COL18A1: variants seen among roughly 807,000 people sequenced by gnomAD.
The protein encoded by COL18A1 is collagen type XVIII alpha 1 chain.
COL18A1 carries 133 observed loss-of-function variants against 168.0 expected under a neutral mutation model. That is an observed-to-expected ratio of 0.79 (90% CI 0.69 to 0.91). The LOEUF is 0.91. COL18A1 is among the 40% of genes least tolerant of loss of function. The pLI is 0.00. For missense variants in COL18A1, 2,126 were observed against 1,925.4 expected (o/e 1.10, Z -1.95); for synonymous variants, 949 against 809.0 (o/e 1.17, Z -2.94).
At chr21:45,444,661 G>A (rs934800123) in intron 2 of COL18A1, among the ~76,000 whole-genome samples, 1 of 152,082 alleles carries the variant, frequency 6.6e-6, no homozygotes, top group African/African-American at 2.4e-5. Flanking sequence ...GGGAGTGGAG[G>A]CTGTGAGCCA....
At chr21:45,410,046 G>A (rs2123500123) in intron 2 of COL18A1, 1 of 152,378 alleles carries the variant, frequency 6.6e-6, no homozygotes, top group South Asian at 2.1e-4. Context: ...CAGATGAAAT[G>A]TGGAGGCTGC....
intron 5 of COL18A1, among the ~76,000 whole-genome samples, chr21:45,475,855 G>A (rs1047502305): frequency 9.9e-5 from 15 of 152,252 alleles, no homozygotes; most frequent in Non-Finnish European, 1.5e-4. Flanking sequence ...GTTAGCTCGT[G>A]CGTGGCCATC....
chr21:45,429,465 G>A (rs974522214), intron 2 of COL18A1, among the ~76,000 whole-genome samples: 9 of 152,162 alleles, frequency 5.9e-5, no homozygotes, highest in Non-Finnish European at 4.4e-5. Context: ...GGCAGTGCCC[G>A]CCCATTCCAT....
intron 2 of COL18A1, among the ~76,000 whole-genome samples, chr21:45,418,885 G>A (rs1175623524): frequency 1.3e-5 from 2 of 152,222 alleles, no homozygotes; most frequent in Non-Finnish European, 2.9e-5. Context: ...GTGTCATGTG[G>A]AACCAGCCAG....
In COL18A1 at chr21:45,437,796, ACACACAGG is replaced by A. The variant is rs1289353286; in HGVS notation, c.107-30442_107-30435del. Among the ~76,000 whole-genome samples, 3 of 70,494 alleles carry A rather than the reference ACACACAGG, an allele frequency of 4.3e-5. No homozygotes were observed. The South Asian group carries it at 1.4e-3, about 32-fold the overall frequency. The allele number at this position is 70,494 out of a possible 152,430, so 46.2% of individuals were successfully genotyped here. ...CACACACACACTCACTCACACACAG[ACACACAGG>A]CACTCTCCTGCACACACTCACACTC... On this transcript the variant is annotated intron_variant, in intron 2 of 41. Coordinates refer to ENST00000651438, the MANE Select transcript of COL18A1 (RefSeq NM_001379500.1).
In COL18A1 at chr21:45,444,447, C is replaced by T. The variant is rs564699473; in HGVS notation, c.107-23795C>T. Among the ~76,000 whole-genome samples, 4 of 152,156 alleles carry T rather than the reference C, an allele frequency of 2.6e-5. No homozygotes were observed. In the East Asian group the frequency reaches 5.8e-4, roughly 22 times the overall value. ...TTGTGGTGAGGCGTAGGGCTGGGGT[C>T]AGCTGGTCGTCCGGACTTTTGGTTT... is the stretch of plus-strand genomic sequence containing the variant. On this transcript the variant is annotated intron_variant, in intron 2 of 41. Coordinates refer to ENST00000651438, the MANE Select transcript of COL18A1 (RefSeq NM_001379500.1).
In COL18A1 at chr21:45,481,954, C is replaced by A. The variant is rs370959276; in HGVS notation, c.1612-9C>A. 2.5e-6 allele frequency: 4 copies of A among 1,606,790 alleles called. No homozygotes were observed. The highest frequency in any genetic ancestry group is 3.4e-6 in the Non-Finnish European group (4 of 1,173,408). ...CCATCAAGACCCACTATGCTCTGCTCTCCCCCAGGGACCCCCAGGCCCTCC... is the reference window on the plus strand; with the variant it reads ...CCATCAAGACCCACTATGCTCTGCTATCCCCCAGGGACCCCCAGGCCCTCC... On this transcript the variant is annotated splice_polypyrimidine_tract_variant and intron_variant, in intron 13 of 41. Coordinates refer to ENST00000651438, the MANE Select transcript of COL18A1 (RefSeq NM_001379500.1).
chr21:45,440,497 GCCACGTTCCCC>G (rs2034339873), intron 2 of COL18A1, among the ~76,000 whole-genome samples: 1 of 151,374 alleles, frequency 6.6e-6, no homozygotes, highest in African/African-American at 2.4e-5. Flanking sequence ...TGGGGTTTGA[GCCACGTTCCCC>G]GGAAGCAGTC....
chr21:45,490,400 A>T, intron 20 of COL18A1, 54 bp downstream of exon 20: 1 of 1,425,172 alleles, frequency 7.0e-7, no homozygotes. Flanking sequence ...CCCTGAAGGG[A>T]CTATGCTAAG....
At chr21:45,510,938 A>C (rs1369150630) in intron 40 of COL18A1, among the ~76,000 whole-genome samples, 173 bp from the exon 41 acceptor site, 12 of 42,030 alleles carry the variant, frequency 2.9e-4, no homozygotes, top group Middle Eastern at 0.015. Context: ...CCCCCAAAAA[A>C]ACACACACCC....
At chr21:45,481,460 G>A (rs1302735904) in intron 13 of COL18A1, among the ~76,000 whole-genome samples, 4 of 152,162 alleles carry the variant, frequency 2.6e-5, no homozygotes, top group African/African-American at 9.7e-5. Context: ...ATGCCATGAC[G>A]TGCAGGGCAG....
At chr21:45,492,782 C>G in intron 24 of COL18A1, 69 bp downstream of exon 24, 6 of 1,220,270 alleles carry the variant, frequency 4.9e-6, no homozygotes, top group Non-Finnish European at 7.2e-6. Context: ...TAGCACAGAG[C>G]AGCCCGGTCG....
intron 2 of COL18A1, among the ~76,000 whole-genome samples, chr21:45,429,939 T>C (rs143666778): frequency 1.3e-4 from 19 of 151,050 alleles, no homozygotes; most frequent in South Asian, 4.2e-4. Context: ...CGCCCTCTCA[T>C]TGGGGACCCC....
rs368213286 is a variant in COL18A1, at chr21:45,490,826, G to A, written c.2032-10G>A. 2,297 of 1,550,058 alleles carry A rather than the reference G, an allele frequency of 1.5e-3. 58 individuals carry two copies. In the South Asian group the frequency reaches 0.025, roughly 17 times the overall value. ...GTTGGTGATGAACCATTTCCTTCCT[G>A]TCTCTCCAGGGGCCAAAGGGAGACA... On this transcript the variant is annotated splice_polypyrimidine_tract_variant and intron_variant, in intron 20 of 41. Coordinates refer to ENST00000651438, the MANE Select transcript of COL18A1 (RefSeq NM_001379500.1).
chr21:45,428,674 G>A (rs11702782), intron 2 of COL18A1, among the ~76,000 whole-genome samples: 19,112 of 152,038 alleles, frequency 0.13, 1,447 homozygotes, highest in Admixed American at 0.17. Flanking sequence ...CCTCTGGATC[G>A]GCGGTTCTGG....
At chr21:45,461,798 C>T (rs1357946824) in intron 2 of COL18A1, among the ~76,000 whole-genome samples, 1 of 152,244 alleles carries the variant, frequency 6.6e-6, no homozygotes, top group Non-Finnish European at 1.5e-5. Context: ...ATAAAAAGTG[C>T]AGTTACAAAC....
intron 32 of COL18A1, among the ~76,000 whole-genome samples, chr21:45,503,180 C>T (rs2036957365): frequency 6.6e-6 from 1 of 152,276 alleles, no homozygotes; most frequent in East Asian, 1.9e-4. Flanking sequence ...AGTTTACAGT[C>T]CCACCAACAG....
chr21:45,425,259 C>T lies in COL18A1; in HGVS notation c.106+19786C>T, dbSNP rs1008692956. Among the ~76,000 whole-genome samples the T allele has an allele frequency of 2.6e-5, 4 of 152,252 alleles. No homozygotes were observed. The highest frequency in any genetic ancestry group is 9.6e-5 in the African/African-American group (4 of 41,554). On this transcript the variant is annotated intron_variant, in intron 2 of 41. Transcript: ENST00000651438. The surrounding 1 kb of genome is among the most constrained non-coding windows in gnomAD (Gnocchi z 4.1). ...CCGCGTCCGCCCGTCTCCCCGGACA[C>T]GCCTGTTGGAGCCCCGGCCGTGTGT... is the stretch of plus-strand genomic sequence containing the variant.
intron 30 of COL18A1, 112 bp from the exon 31 acceptor site, chr21:45,496,938 C>T (rs2036563302): frequency 2.6e-6 from 2 of 756,268 alleles, no homozygotes; most frequent in Non-Finnish European, 2.4e-6. Context: ...GGGGAGGCTG[C>T]TATGTGGCCT....
Sources: allele counts gnomAD v4.1 joint callset (sites outside exome capture counted in the v4.1 genomes callset), GRCh38; gene constraint gnomAD v4.1.1; non-coding constraint Gnocchi (gnomAD v3.1); transcripts MANE v1.5; gene names NCBI Gene and HGNC (gene_info 2026-07-23, HGNC 2026-07-21).